Variants in RPS6KC1 observed in about 807,000 individuals in gnomAD.
The protein encoded by RPS6KC1 is ribosomal protein S6 kinase C1.
A neutral mutation model predicts 103.8 loss-of-function variants in RPS6KC1; 54 were observed. That is an observed-to-expected ratio of 0.52 (90% CI 0.42 to 0.65). The LOEUF (loss-of-function observed/expected upper bound fraction) is 0.65. Among genes scored for constraint, RPS6KC1 ranks in the 30% least tolerant of loss-of-function variants. The pLI, the probability that RPS6KC1 is intolerant of heterozygous loss-of-function variation, is 0.00. For missense variants in RPS6KC1, 1,151 were observed against 1,253.8 expected, an observed-to-expected ratio of 0.92 and a Z score of 1.24; for synonymous variants, 439 against 438.7, an observed-to-expected ratio of 1.00 and a Z score of -0.01.
chr1:213,475,858 C>G, the RPS6KC1 span, among the ~76,000 whole-genome samples: 3 of 152,202 alleles, frequency 2.0e-5, no homozygotes, highest in Non-Finnish European at 2.9e-5. Context: ...CTAGTTTACC[C>G]TCTTCAGACA....
chr1:213,790,789 CA>C, the RPS6KC1 span, among the ~76,000 whole-genome samples: 3 of 152,134 alleles, frequency 2.0e-5, no homozygotes, highest in Non-Finnish European at 4.4e-5. Flanking sequence ...GAGACCTTGG[CA>C]ATCATGTGCC....
chr1:213,480,352 C>G, the RPS6KC1 span, among the ~76,000 whole-genome samples: 6 of 151,906 alleles, frequency 3.9e-5, no homozygotes, highest in Non-Finnish European at 5.9e-5. Flanking sequence ...TGGTAGTGAC[C>G]TGTTGTTAAG....
At chr1:213,523,617 G>A in the RPS6KC1 span, among the ~76,000 whole-genome samples, 4 of 152,280 alleles carry the variant, frequency 2.6e-5, no homozygotes, top group East Asian at 7.7e-4. Flanking sequence ...TGCTAATTTT[G>A]TTATTGTTGT....
the RPS6KC1 span, among the ~76,000 whole-genome samples, chr1:213,683,709 T>C: frequency 6.6e-6 from 1 of 152,142 alleles, no homozygotes; most frequent in African/African-American, 2.4e-5. Flanking sequence ...TCATCCCCCT[T>C]GCCCCACCCA....
chr1:213,059,753 A>G (rs1294160729), intron 1 of RPS6KC1, among the ~76,000 whole-genome samples: 1 of 151,124 alleles, frequency 6.6e-6, no homozygotes, highest in Non-Finnish European at 1.5e-5. Context: ...GCTCACTGCA[A>G]CCTCTGCCTC....
At chr1:213,643,249 A>G in the RPS6KC1 span, among the ~76,000 whole-genome samples, 2 of 151,938 alleles carry the variant, frequency 1.3e-5, no homozygotes, top group Non-Finnish European at 1.5e-5. Context: ...TAAATTTACA[A>G]ATTAATTTGA....
the RPS6KC1 span, among the ~76,000 whole-genome samples, chr1:213,651,930 G>C: frequency 0.23 from 35,246 of 151,908 alleles, 4,730 homozygotes; most frequent in East Asian, 0.43. Context: ...TACCATTCAG[G>C]CCTCAGTTCA....
At chr1:213,357,858 C>A in the RPS6KC1 span, among the ~76,000 whole-genome samples, 46 of 152,306 alleles carry the variant, frequency 3.0e-4, no homozygotes, top group Admixed American at 1.2e-3. Flanking sequence ...GTGGCGGGAC[C>A]CTCCTCCTGG....
At chr1:213,108,470 G>T (rs1030646969) in intron 4 of RPS6KC1, among the ~76,000 whole-genome samples, 2 of 152,006 alleles carry the variant, frequency 1.3e-5, no homozygotes, top group Non-Finnish European at 2.9e-5. Context: ...GAACCATACT[G>T]TCTTGATTAC....
chr1:213,807,904 G>GT, the RPS6KC1 span, among the ~76,000 whole-genome samples: 1 of 152,140 alleles, frequency 6.6e-6, no homozygotes, highest in Non-Finnish European at 1.5e-5. Context: ...CATCTTTGTG[G>GT]TTTTATCTCC....
In RPS6KC1 at chr1:213,233,744, C is replaced by T. The variant is rs144158356; in HGVS notation, c.1225+1489C>T. Among the ~76,000 whole-genome samples the T allele has an allele frequency of 2.2e-3, 328 of 152,124 alleles. 4 individuals carry two copies. The highest frequency in any genetic ancestry group is 0.017 in the Middle Eastern group (5 of 294). On this transcript the variant is annotated intron_variant, in intron 10 of 14. Transcript: ENST00000366960. ...ATAATCTCTTAAAATCATAGACTTA[C>T]GACTTTTAAATTTTCTACTATTTTA...
chr1:213,294,464 C>G, the RPS6KC1 span, among the ~76,000 whole-genome samples: 2 of 152,154 alleles, frequency 1.3e-5, no homozygotes, highest in African/African-American at 4.8e-5. Flanking sequence ...GCAATGACTC[C>G]TATTGGATGT....
chr1:213,816,926 T>G, the RPS6KC1 span, among the ~76,000 whole-genome samples: 1 of 152,064 alleles, frequency 6.6e-6, no homozygotes, highest in Non-Finnish European at 1.5e-5. Context: ...CTACCTAGAG[T>G]GCACCAGGCA....
At chr1:213,052,189 A>T (rs910643611) in intron 1 of RPS6KC1, among the ~76,000 whole-genome samples, 6 of 152,190 alleles carry the variant, frequency 3.9e-5, no homozygotes, top group African/African-American at 1.4e-4. Flanking sequence ...CTTGAGTTTT[A>T]AAGAGAGTCT....
the RPS6KC1 span, among the ~76,000 whole-genome samples, chr1:213,439,681 G>C: frequency 2.0e-5 from 3 of 152,136 alleles, no homozygotes; most frequent in Admixed American, 6.5e-5. Flanking sequence ...GAGAACATGG[G>C]TATAAAATAG....
chr1:213,600,299 A>C, the RPS6KC1 span, among the ~76,000 whole-genome samples: 1 of 152,160 alleles, frequency 6.6e-6, no homozygotes, highest in Non-Finnish European at 1.5e-5. Flanking sequence ...TCATCTCAGA[A>C]GCTCCCTCTT....
intron 4 of RPS6KC1, among the ~76,000 whole-genome samples, chr1:213,112,252 G>A (rs991472644): frequency 5.3e-5 from 8 of 152,122 alleles, no homozygotes; most frequent in Admixed American, 1.3e-4. Flanking sequence ...AAGAGCTATT[G>A]TTTTAATTAT....
the RPS6KC1 span, among the ~76,000 whole-genome samples, chr1:213,709,358 C>G: frequency 2.8e-4 from 42 of 152,298 alleles, no homozygotes; most frequent in Middle Eastern, 3.4e-3. Flanking sequence ...ATAGTATTCT[C>G]TGATGGTAGT....
At chr1:213,429,503 C>T in the RPS6KC1 span, among the ~76,000 whole-genome samples, 45 of 152,338 alleles carry the variant, frequency 3.0e-4, no homozygotes, top group African/African-American at 1.0e-3. Context: ...CTCTTTCCCT[C>T]GCTACCTTTT....
Sources: allele counts gnomAD v4.1 joint callset (sites outside exome capture counted in the v4.1 genomes callset), GRCh38; gene constraint gnomAD v4.1.1; transcripts MANE v1.5; gene names NCBI Gene and HGNC (gene_info 2026-07-23, HGNC 2026-07-21).